LRRC7: variants seen among roughly 807,000 people sequenced by gnomAD.
LRRC7 encodes the protein leucine rich repeat containing 7.
LRRC7 carries 23 observed loss-of-function variants against 175.7 expected under a neutral mutation model. That is an observed-to-expected ratio of 0.13 (90% CI 0.09 to 0.19). The LOEUF (loss-of-function observed/expected upper bound fraction) is 0.19. Among genes scored for constraint, LRRC7 ranks in the 10% least tolerant of loss-of-function variants. The probability of loss-of-function intolerance (pLI) is 1.00; values close to 1 mark genes in which losing one functional copy is unlikely to be tolerated. For missense variants in LRRC7, 1,354 were observed against 1,904.7 expected (o/e 0.71, Z 5.38); for synonymous variants, 685 against 680.9 (o/e 1.01, Z -0.09).
At chr1:69,838,319 G>C in intron 7 of LRRC7, 36 bp downstream of exon 7, 1 of 1,506,318 alleles carries the variant, frequency 6.6e-7, no homozygotes, top group Non-Finnish European at 9.2e-7. Flanking sequence ...TTTGAACTGT[G>C]ATTTTTTTCA....
At chr1:70,076,861 C>T (rs1182722985) in intron 24 of LRRC7, among the ~76,000 whole-genome samples, 1 of 152,176 alleles carries the variant, frequency 6.6e-6, no homozygotes, top group Non-Finnish European at 1.5e-5. Context: ...AAGAATTGCG[C>T]TCTTCAAACC....
intron 7 of LRRC7, among the ~76,000 whole-genome samples, chr1:69,862,471 C>T (rs2101538966): frequency 6.6e-6 from 1 of 152,184 alleles, no homozygotes; most frequent in South Asian, 2.1e-4. Flanking sequence ...AGATTTCTGC[C>T]TGGGAATAAT....
chr1:69,919,958 G>C (rs1386950229), intron 7 of LRRC7: 2 of 578,784 alleles, frequency 3.5e-6, no homozygotes, highest in South Asian at 3.9e-5. Context: ...GGCTGGGAGG[G>C]GGCCCTTCCA....
chr1:70,081,235 T>C (rs1663189447), intron 24 of LRRC7, among the ~76,000 whole-genome samples: 1 of 152,222 alleles, frequency 6.6e-6, no homozygotes, highest in Admixed American at 6.5e-5. Flanking sequence ...AATATCACTA[T>C]TTAAAAGCAT....
intron 4 of LRRC7, among the ~76,000 whole-genome samples, chr1:69,807,903 G>C (rs1677325954): frequency 6.6e-6 from 1 of 152,006 alleles, no homozygotes; most frequent in Admixed American, 6.6e-5. Flanking sequence ...TTCCAACTTG[G>C]CTCCATTCTC....
At chr1:69,664,928 T>C (rs2100548298) in intron 1 of LRRC7, among the ~76,000 whole-genome samples, 1 of 152,324 alleles carries the variant, frequency 6.6e-6, no homozygotes. Flanking sequence ...AGCAGTTTCA[T>C]AGTCCAAGGT....
At position 70,140,457 on chromosome 1, in the gene LRRC7, A is replaced by G. The variant is rs1259231699; in HGVS notation, c.*18570A>G. The G allele has an allele frequency of 6.6e-6, 1 of 152,124 alleles. No individual in the cohort carries two copies. Among genetic ancestry groups the G allele is most frequent in the African/African-American group, 2.4e-5 (1 of 41,426 alleles). 9.4% of individuals were successfully genotyped at this position (152,124 alleles called of 1,614,324 possible). On this transcript the variant is annotated 3_prime_UTR_variant, in exon 27 of 27. Transcript: ENST00000651989. ...CTCAATGCTTAAATTGCCATGTAGA[A>G]ATCAACTCCCTATCAATTTTCTACA...
intron 1 of LRRC7, among the ~76,000 whole-genome samples, chr1:69,637,446 A>G (rs2100411476): frequency 6.6e-6 from 1 of 152,044 alleles, no homozygotes; most frequent in East Asian, 1.9e-4. Flanking sequence ...CAAGACTGCT[A>G]GTTAGAAGAC....
At chr1:69,639,051 T>A (rs1465358796) in intron 1 of LRRC7, among the ~76,000 whole-genome samples, 1 of 151,826 alleles carries the variant, frequency 6.6e-6, no homozygotes, top group African/African-American at 2.4e-5. Flanking sequence ...CCCAGTTTTC[T>A]CTTTCTAAAA....
chr1:69,778,055 A>C (rs868222496), intron 3 of LRRC7, among the ~76,000 whole-genome samples: 1 of 152,136 alleles, frequency 6.6e-6, no homozygotes, highest in Admixed American at 6.5e-5. Context: ...TCTCTTAGGA[A>C]GTGTTCCTGA....
chr1:69,781,680 AAAAAAAAGAAG>A lies in LRRC7; in HGVS notation c.304-10359_304-10349del, dbSNP rs1407118725. 3.9e-5 allele frequency among the ~76,000 whole-genome samples: 4 copies of A among 101,654 alleles called. 1 individual carries two copies. Among genetic ancestry groups the A allele is most frequent in the Non-Finnish European group, 5.6e-5 (3 of 53,684 alleles). 66.7% of individuals were successfully genotyped at this position (101,654 alleles called of 152,430 possible). On this transcript the variant is annotated intron_variant, in intron 3 of 26. Coordinates refer to ENST00000651989, the MANE Select transcript of LRRC7 (RefSeq NM_001370785.2). ...CTGGGAGACAGAGCAAGACTGTCTC[AAAAAAAAGAAG>A]AAAGAAAGAAAGAAAGAAAGAAAGA...
chr1:69,961,556 G>T (rs550298632), intron 8 of LRRC7, among the ~76,000 whole-genome samples: 3 of 152,152 alleles, frequency 2.0e-5, no homozygotes, highest in South Asian at 2.1e-4. Flanking sequence ...AAAGCTGGAG[G>T]CATCATGCTA....
intron 2 of LRRC7, among the ~76,000 whole-genome samples, chr1:69,694,616 T>C (rs574816414): frequency 6.6e-6 from 1 of 152,124 alleles, no homozygotes; most frequent in East Asian, 1.9e-4. Context: ...GCCTAGTGGG[T>C]GGTGTTTGAT....
chr1:69,839,538 G>T (rs977284793), intron 7 of LRRC7, among the ~76,000 whole-genome samples: 4 of 152,036 alleles, frequency 2.6e-5, no homozygotes, highest in African/African-American at 9.7e-5. Flanking sequence ...GAAATTTCCT[G>T]CAAATGCAGC....
At chr1:70,114,364 T>C (rs1377428674) in intron 26 of LRRC7, among the ~76,000 whole-genome samples, 1 of 152,062 alleles carries the variant, frequency 6.6e-6, no homozygotes, top group Non-Finnish European at 1.5e-5. Context: ...GAACTAGAAA[T>C]AGGTTAAAAA....
intron 2 of LRRC7, among the ~76,000 whole-genome samples, chr1:69,694,848 G>C (rs1412346599): frequency 1.3e-5 from 2 of 151,926 alleles, no homozygotes. Context: ...GCAGATGCTG[G>C]CACCATGCTT....
At chr1:69,886,623 A>G (rs1248990424) in intron 7 of LRRC7, among the ~76,000 whole-genome samples, 6 of 148,454 alleles carry the variant, frequency 4.0e-5, no homozygotes, top group East Asian at 2.0e-4. Flanking sequence ...TTACATTTAA[A>G]GTTAATATTG....
At chr1:70,103,490 T>A (rs1571332672) in intron 25 of LRRC7, among the ~76,000 whole-genome samples, 1 of 152,270 alleles carries the variant, frequency 6.6e-6, no homozygotes, top group East Asian at 1.9e-4. Context: ...AATGGGATCA[T>A]GAGCCTAGGA....
rs114876784 is a variant in LRRC7, at chr1:70,068,756, G to A, written c.4231-7321G>A. ...TTTTTTGAAACAGTCTCATTCTGTTGCCTAGGCAGGATTGCAGTAGTACAA... is the reference window on the plus strand; with the variant it reads ...TTTTTTGAAACAGTCTCATTCTGTTACCTAGGCAGGATTGCAGTAGTACAA... On this transcript the variant is annotated intron_variant, in intron 23 of 26. Coordinates refer to ENST00000651989, the MANE Select transcript of LRRC7 (RefSeq NM_001370785.2). Among the ~76,000 whole-genome samples, 1,182 of 152,040 alleles carry A rather than the reference G, an allele frequency of 7.8e-3. 24 individuals are homozygous for A. The highest frequency in any genetic ancestry group is 0.027 in the African/African-American group (1,132 of 41,468).
Sources: allele counts gnomAD v4.1 joint callset (sites outside exome capture counted in the v4.1 genomes callset), GRCh38; gene constraint gnomAD v4.1.1; transcripts MANE v1.5; gene names NCBI Gene and HGNC (gene_info 2026-07-23, HGNC 2026-07-21).